POLDIP3: variants seen among roughly 807,000 people sequenced by gnomAD.
The protein encoded by POLDIP3 is polymerase delta-interacting protein 3.
A neutral mutation model predicts 45.1 loss-of-function variants in POLDIP3; 14 were observed. The ratio of observed to expected loss-of-function variants is 0.31; its 90% CI spans 0.20 to 0.49. The LOEUF is 0.49. Ranked by LOEUF, POLDIP3 falls within the 20% of genes least tolerant of loss-of-function variation. The pLI, the probability that POLDIP3 is intolerant of heterozygous loss-of-function variation, is 0.99. For missense variants in POLDIP3, 511 were observed against 538.8 expected, an observed-to-expected ratio of 0.95 and a Z score of 0.51; for synonymous variants, 223 against 205.2, an observed-to-expected ratio of 1.09 and a Z score of -0.74.
intron 3 of POLDIP3, among the ~76,000 whole-genome samples, chr22:42,600,620 G>A (rs769045254): frequency 3.4e-5 from 5 of 147,872 alleles, no homozygotes; most frequent in Non-Finnish European, 6.0e-5. Context: ...AGCGAGACTC[G>A]GTCTCAAAAA....
At position 42,585,892 on chromosome 22, in the gene POLDIP3, G is replaced by A. The variant is rs201431591; in HGVS notation, c.1165C>T (p.Pro389Ser). 2 of 1,613,310 alleles carry A rather than the reference G, an allele frequency of 1.2e-6. No homozygotes were observed. The highest frequency in any genetic ancestry group is 1.7e-6 in the Non-Finnish European group (2 of 1,179,990). Residue 389 changes from proline to serine, a missense_variant, in exon 9 of 9, where the codon CCC (proline) becomes TCC (serine). This residue lies in a region of POLDIP3 where 45 missense variants were observed against 34.3 expected (regional missense o/e 1.31). Coordinates refer to ENST00000252115, the MANE Select transcript of POLDIP3 (RefSeq NM_032311.5). ...RRVNSASSSN[P>S]PAEVDPDTIL... The stretch of plus-strand genomic sequence containing the variant: ...GTGTCAGGGTCCACTTCGGCAGGGG[G>A]GTTGGAGGAGGAGGCAGAGTTCACC...
intron 7 of POLDIP3, among the ~76,000 whole-genome samples, chr22:42,588,650 T>TG (rs1925472999): frequency 6.7e-6 from 1 of 149,192 alleles, no homozygotes; most frequent in African/African-American, 2.5e-5. Flanking sequence ...TTTTTTGAGA[T>TG]GGAGTTTCGC....
intron 4 of POLDIP3, among the ~76,000 whole-genome samples, chr22:42,596,970 G>A (rs1230788817): frequency 1.3e-5 from 2 of 152,174 alleles, no homozygotes. Flanking sequence ...AAAAGCTTGA[G>A]GCCAAGTTCA....
At chr22:42,591,176 AAAC>A (rs1323526299) in intron 7 of POLDIP3, among the ~76,000 whole-genome samples, 1 of 152,100 alleles carries the variant, frequency 6.6e-6, no homozygotes, top group East Asian at 1.9e-4. Context: ...AAATAAGAAA[AAAC>A]AAAAAAAGAA....
intron 1 of POLDIP3, chr22:42,603,449 G>A: frequency 3.0e-6 from 1 of 336,658 alleles, no homozygotes; most frequent in Non-Finnish European, 5.4e-6. Flanking sequence ...ACACCAACAT[G>A]GACAATAACT....
In POLDIP3 at chr22:42,585,008, C is replaced by A. The variant is rs929597341; in HGVS notation, c.*783G>T. ...GTTAAGTGCCAGGCGAGGTGAGAAC[C>A]GGGAGGGCTCACAACACAGCCCCCT... is the stretch of plus-strand genomic sequence containing the variant. On this transcript the variant is annotated 3_prime_UTR_variant, in exon 9 of 9. Transcript: ENST00000252115. The A allele has an allele frequency of 3.1e-5, 14 of 456,202 alleles. No individual in the cohort carries two copies. The Admixed American group carries it at 3.3e-4, about 11-fold the overall frequency. 28.3% of individuals were successfully genotyped at this position (456,202 alleles called of 1,614,324 possible). A position where few individuals can be genotyped will look rare whatever the true frequency, so the allele number is the denominator to read the frequency against.
intron 1 of POLDIP3, among the ~76,000 whole-genome samples, chr22:42,608,216 A>T (rs1926889187): frequency 1.3e-5 from 2 of 151,754 alleles, no homozygotes; most frequent in Admixed American, 1.3e-4. Context: ...ACTAAGAAAA[A>T]TTCTTCTGCC....
chr22:42,597,753 A>G (rs1311643428), intron 4 of POLDIP3: 2 of 469,546 alleles, frequency 4.3e-6, no homozygotes. Flanking sequence ...TAAAGAAACA[A>G]ACTGGCATCA....
chr22:42,601,900 A>C, intron 3 of POLDIP3, 70 bp downstream of exon 3: 1 of 1,527,890 alleles, frequency 6.5e-7, no homozygotes, highest in Non-Finnish European at 8.9e-7. Flanking sequence ...CCTCATCAAA[A>C]CACGTGCACA....
chr22:42,601,098 A>G (rs1339241105), intron 3 of POLDIP3, among the ~76,000 whole-genome samples: 1 of 152,180 alleles, frequency 6.6e-6, no homozygotes, highest in Non-Finnish European at 1.5e-5. Context: ...CTGTATCAAA[A>G]AAAAAGAAGC....
At chr22:42,587,177 A>G (rs1328333321) in intron 8 of POLDIP3, among the ~76,000 whole-genome samples, 1 of 152,252 alleles carries the variant, frequency 6.6e-6, no homozygotes, top group Non-Finnish European at 1.5e-5. Flanking sequence ...CATCAGAGCC[A>G]ATCATGCAGT....
At position 42,602,837 on chromosome 22, in the gene POLDIP3, G is replaced by C; in HGVS notation, c.383C>G (p.Pro128Arg). 6.2e-7 allele frequency: 1 copy of C among 1,612,722 alleles called. No individual in the cohort carries two copies. Among genetic ancestry groups the C allele is most frequent in the Non-Finnish European group, 8.5e-7 (1 of 1,180,038 alleles). Residue 128 changes from proline (P) to arginine (R), a missense_variant, in exon 2 of 9, where the codon CCT becomes CGT. Pro to Arg is a moderately radical substitution (Grantham distance 103). Coordinates refer to ENST00000252115, the MANE Select transcript of POLDIP3 (RefSeq NM_032311.5). ...AATGGGTGGGTTTATGAAGGCAGCA[G>C]GGGAACTCCTCTTCAAGCTGATCTT... The part of the protein sequence containing the change: ...REKISLKRSS[P>R]AAFINPPIGT...
At chr22:42,592,107 G>A (rs1289655349) in intron 6 of POLDIP3, 23 bp from the exon 7 acceptor site, 1 of 1,613,378 alleles carries the variant, frequency 6.2e-7, no homozygotes, top group South Asian at 1.1e-5. Context: ...AGAGGGGTTG[G>A]GATTGGGGAA....
intron 1 of POLDIP3, among the ~76,000 whole-genome samples, chr22:42,610,597 G>C (rs1446660784): frequency 6.6e-6 from 1 of 152,146 alleles, no homozygotes; most frequent in African/African-American, 2.4e-5. Context: ...AACTGGGGAT[G>C]CCCTCATATC....
intron 1 of POLDIP3, among the ~76,000 whole-genome samples, chr22:42,608,634 C>A (rs986069894): frequency 6.6e-5 from 10 of 152,128 alleles, no homozygotes; most frequent in Non-Finnish European, 1.2e-4. Flanking sequence ...CACTCTCTAG[C>A]GACCAAAGGG....
At chr22:42,590,480 G>A (rs1437885859) in intron 7 of POLDIP3, among the ~76,000 whole-genome samples, 2 of 152,094 alleles carry the variant, frequency 1.3e-5, no homozygotes, top group Admixed American at 6.5e-5. Flanking sequence ...CACCACACCC[G>A]GCTGTACAGC....
At chr22:42,598,198 T>C (rs1181554284) in intron 4 of POLDIP3, among the ~76,000 whole-genome samples, 2 of 149,142 alleles carry the variant, frequency 1.3e-5, no homozygotes, top group African/African-American at 5.0e-5. Context: ...TTCTCCTGCC[T>C]CAGCCTCCCG....
intron 1 of POLDIP3, among the ~76,000 whole-genome samples, chr22:42,608,048 G>A (rs988818596): frequency 5.3e-5 from 8 of 152,182 alleles, no homozygotes; most frequent in African/African-American, 9.7e-5. Flanking sequence ...CCGCCACCCC[G>A]TCTGGGAGGT....
At chr22:42,602,710 C>A (rs928272459) in intron 2 of POLDIP3, 60 bp downstream of exon 2, 2 of 1,527,500 alleles carry the variant, frequency 1.3e-6, no homozygotes, top group Non-Finnish European at 1.8e-6. Context: ...TGGCACCTTG[C>A]CTCTAAATCT....
Sources: gnomAD v4.1 joint callset for allele counts (sites outside exome capture counted in the v4.1 genomes callset) on GRCh38, gnomAD v4.1.1 for gene constraint, gnomAD v4.1.1 regional missense constraint, MANE v1.5 for transcripts, NCBI Gene and HGNC (gene_info 2026-07-23, HGNC 2026-07-21) for gene names.